HPCAL1: variants seen among roughly 807,000 people sequenced by gnomAD.
HPCAL1 encodes the protein hippocalcin-like protein 1.
Under a neutral mutation model 17.1 loss-of-function variants are expected in HPCAL1, and 8 were observed. The observed-to-expected ratio is 0.47, with a 90% CI of 0.27 to 0.84. The LOEUF (loss-of-function observed/expected upper bound fraction) is 0.84. Ranked by LOEUF, HPCAL1 falls within the 40% of genes least tolerant of loss-of-function variation. The pLI is 0.13. For synonymous variants in HPCAL1, 112 were observed against 111.4 expected (o/e 1.01, Z -0.03); for missense variants, 165 against 271.1 (o/e 0.61, Z 2.75).
intron 2 of HPCAL1, among the ~76,000 whole-genome samples, chr2:10,405,213 C>A (rs1382742999): frequency 1.3e-5 from 2 of 152,268 alleles, no homozygotes; most frequent in South Asian, 2.1e-4. Flanking sequence ...AGCAGGGCCC[C>A]TGGGTCTGCG....
At position 10,304,375 on chromosome 2, in the gene HPCAL1, T is replaced by A. The variant is rs757971078; in HGVS notation, c.-111+1198T>A. On this transcript the variant is annotated intron_variant, in intron 1 of 4. Coordinates refer to ENST00000307845, the MANE Select transcript of HPCAL1 (RefSeq NM_002149.4). The surrounding 1 kb of genome is among the most constrained non-coding windows in gnomAD (Gnocchi z 4.1). The stretch of plus-strand genomic sequence containing the variant: ...ATGCAGATCTCGGGCTCCCGGGGTG[T>A]CCCGGCCGCCAAAGGCCACCCCTTT... 3.4e-4 allele frequency among the ~76,000 whole-genome samples: 51 copies of A among 151,848 alleles called. No individual in the cohort carries two copies. Among genetic ancestry groups the A allele is most frequent in the Non-Finnish European group, 6.6e-4 (45 of 67,934 alleles).
At chr2:10,358,003 T>C (rs1666281041) in intron 1 of HPCAL1, among the ~76,000 whole-genome samples, 1 of 152,222 alleles carries the variant, frequency 6.6e-6, no homozygotes. Context: ...CCCAGCCCTG[T>C]CTGAAGGGTT....
intron 1 of HPCAL1, among the ~76,000 whole-genome samples, chr2:10,382,483 A>G (rs959686389): frequency 6.6e-6 from 1 of 152,038 alleles, no homozygotes; most frequent in Non-Finnish European, 1.5e-5. Flanking sequence ...ATCCGTTGTA[A>G]CAAACAGCCA....
At chr2:10,312,857 C>T (rs1663079248) in intron 1 of HPCAL1, among the ~76,000 whole-genome samples, 1 of 151,890 alleles carries the variant, frequency 6.6e-6, no homozygotes, top group South Asian at 2.1e-4. Flanking sequence ...TCATTATCAC[C>T]ATCATCATCA....
At chr2:10,319,759 T>G (rs914464087) in intron 1 of HPCAL1, among the ~76,000 whole-genome samples, 1 of 151,772 alleles carries the variant, frequency 6.6e-6, no homozygotes, top group Non-Finnish European at 1.5e-5. Context: ...ATTCACTCAT[T>G]CATTCACATC....
chr2:10,416,360 GC>G (rs1277660332), intron 2 of HPCAL1, among the ~76,000 whole-genome samples: 3 of 152,190 alleles, frequency 2.0e-5, no homozygotes, highest in Non-Finnish European at 2.9e-5. Flanking sequence ...CCGGAGGGGG[GC>G]TTTCTGGGCA....
At chr2:10,352,757 G>A (rs1315235043) in intron 1 of HPCAL1, among the ~76,000 whole-genome samples, 1 of 152,206 alleles carries the variant, frequency 6.6e-6, no homozygotes, top group Non-Finnish European at 1.5e-5. Context: ...CCATCAGGAG[G>A]GACCTTTGGA....
intron 2 of HPCAL1, among the ~76,000 whole-genome samples, chr2:10,411,498 A>T (rs1670351033): frequency 6.6e-6 from 1 of 152,088 alleles, no homozygotes; most frequent in East Asian, 1.9e-4. Context: ...CCTCCTTGTC[A>T]TTCAGTTGTG....
intron 1 of HPCAL1, among the ~76,000 whole-genome samples, chr2:10,329,682 C>T (rs763157943): frequency 4.6e-5 from 7 of 152,248 alleles, no homozygotes; most frequent in Non-Finnish European, 5.9e-5. Context: ...TTTGTCTCTG[C>T]TTTTGACTTT....
At chr2:10,319,390 C>T (rs1465348300) in intron 1 of HPCAL1, among the ~76,000 whole-genome samples, 1 of 152,290 alleles carries the variant, frequency 6.6e-6, no homozygotes, top group East Asian at 1.9e-4. Context: ...GTCTGCCAGG[C>T]AGGGGAGTAA....
At chr2:10,350,132 C>T (rs781256430) in intron 1 of HPCAL1, among the ~76,000 whole-genome samples, 1 of 152,038 alleles carries the variant, frequency 6.6e-6, no homozygotes, top group East Asian at 1.9e-4. Flanking sequence ...TACATAAGTA[C>T]TACTGGTATA....
rs376067393 is a variant in HPCAL1 at position 10,343,994 on chromosome 2, G to A, written c.-111+40817G>A. Among the ~76,000 whole-genome samples, 2 of 152,300 alleles carry A rather than the reference G, an allele frequency of 1.3e-5. No homozygotes were observed. The highest frequency in any genetic ancestry group is 2.4e-5 in the African/African-American group (1 of 41,578). The stretch of plus-strand genomic sequence containing the variant: ...CTTCAGACCCGGCAGGAGTACCGGC[G>A]GCTGTGTGGTGCATCCTGCACAGAG... On this transcript the variant is annotated intron_variant, in intron 1 of 4. Coordinates refer to ENST00000307845, the MANE Select transcript of HPCAL1 (RefSeq NM_002149.4). This position sits in a 1 kb window ranked among gnomAD's most constrained non-coding sequence, Gnocchi z 4.8.
At chr2:10,371,190 G>C (rs1251275369) in intron 1 of HPCAL1, among the ~76,000 whole-genome samples, 1 of 152,178 alleles carries the variant, frequency 6.6e-6, no homozygotes, top group Non-Finnish European at 1.5e-5. Context: ...CCTGTCATTT[G>C]CAGTTTGGGT....
intron 1 of HPCAL1, among the ~76,000 whole-genome samples, chr2:10,312,917 C>A (rs1663084796): frequency 1.3e-5 from 2 of 152,180 alleles, no homozygotes; most frequent in African/African-American, 4.8e-5. Context: ...TCACTGTCAC[C>A]ACCATCACCA....
At position 10,317,148 on chromosome 2, in the gene HPCAL1, C is replaced by T. The variant is rs1470391992; in HGVS notation, c.-111+13971C>T. 4.6e-5 allele frequency among the ~76,000 whole-genome samples: 7 copies of T among 152,332 alleles called. 1 individual carries two copies. The highest frequency in any genetic ancestry group is 1.7e-4 in the African/African-American group (7 of 41,562). ...AATCAGCTCACTTTATGTGATATTTCTGCAATAGTGTGTGTGAATTAAGTT... is the reference window on the plus strand; with the variant it reads ...AATCAGCTCACTTTATGTGATATTTTTGCAATAGTGTGTGTGAATTAAGTT... On this transcript the variant is annotated intron_variant, in intron 1 of 4. Transcript: ENST00000307845.
In HPCAL1 at chr2:10,342,162, T is replaced by C. The variant is rs1359418764; in HGVS notation, c.-111+38985T>C. Among the ~76,000 whole-genome samples, 1 of 152,082 alleles carries C rather than the reference T, an allele frequency of 6.6e-6. No individual in the cohort carries two copies. Among genetic ancestry groups the C allele is most frequent in the East Asian group, 1.9e-4 (1 of 5,186 alleles). On this transcript the variant is annotated intron_variant, in intron 1 of 4. Coordinates refer to ENST00000307845, the MANE Select transcript of HPCAL1 (RefSeq NM_002149.4). The surrounding 1 kb of genome is among the most constrained non-coding windows in gnomAD (Gnocchi z 4.1). ...TCCAGCCTGGTGACAGAGTGGACCT[T>C]GTCTGTAAAAATAATAATAATAATA...
At chr2:10,415,292 G>A (rs1309193246) in intron 2 of HPCAL1, among the ~76,000 whole-genome samples, 2 of 152,166 alleles carry the variant, frequency 1.3e-5, no homozygotes, top group East Asian at 3.9e-4. Context: ...GCCACTCACT[G>A]GCCTGACTGC....
intron 1 of HPCAL1, among the ~76,000 whole-genome samples, chr2:10,337,737 C>T (rs1233805129): frequency 1.3e-5 from 2 of 152,158 alleles, no homozygotes. Flanking sequence ...TAAGATCTTC[C>T]CCCAGCCCCT....
chr2:10,411,822 C>G (rs1214575201), intron 2 of HPCAL1, among the ~76,000 whole-genome samples: 1 of 152,196 alleles, frequency 6.6e-6, no homozygotes, highest in Non-Finnish European at 1.5e-5. Context: ...GCTGGCTGCC[C>G]GCTTGCTCAG....
Sources: allele counts gnomAD v4.1 joint callset (sites outside exome capture counted in the v4.1 genomes callset), GRCh38; gene constraint gnomAD v4.1.1; non-coding constraint Gnocchi (gnomAD v3.1); transcripts MANE v1.5; gene names NCBI Gene and HGNC (gene_info 2026-07-23, HGNC 2026-07-21).